Variants in ADAMTS19 observed in about 807,000 individuals in gnomAD.
ADAMTS19 encodes ADAM metallopeptidase with thrombospondin type 1 motif 19, also known as A disintegrin and metalloproteinase with thrombospondin motifs 19.
Under a neutral mutation model 153.3 loss-of-function variants are expected in ADAMTS19, and 93 were observed. The ratio of observed to expected loss-of-function variants is 0.61; its 90% CI spans 0.51 to 0.72. The LOEUF is 0.72. ADAMTS19 is among the 30% of genes least tolerant of loss of function. The pLI is 0.00. For synonymous variants in ADAMTS19, 600 were observed against 556.6 expected (o/e 1.08, Z -1.10); for missense variants, 1,482 against 1,552.1 (o/e 0.95, Z 0.76).
chr5:129,716,202 GTATT>G (rs1258221128), intron 21 of ADAMTS19, among the ~76,000 whole-genome samples: 1 of 151,760 alleles, frequency 6.6e-6, no homozygotes, highest in Non-Finnish European at 1.5e-5. Flanking sequence ...TTTTGTATTT[GTATT>G]TATTTTTTTG....
intron 6 of ADAMTS19, among the ~76,000 whole-genome samples, chr5:129,538,986 A>G (rs1166486359): frequency 6.6e-6 from 1 of 152,106 alleles, no homozygotes; most frequent in African/African-American, 2.4e-5. Context: ...AATCAATGTT[A>G]AGAGTTGGTG....
intron 20 of ADAMTS19, among the ~76,000 whole-genome samples, chr5:129,702,941 A>AAAAAAAAAATATATATAT: frequency 6.8e-5 from 2 of 29,308 alleles, no homozygotes; most frequent in Non-Finnish European, 8.6e-5. Context: ...AAAAAAAAAA[A>AAAAAAAAAATATATATAT]ATATATATAT....
chr5:129,556,273 C>A (rs930011802), intron 7 of ADAMTS19, among the ~76,000 whole-genome samples: 1 of 152,052 alleles, frequency 6.6e-6, no homozygotes, highest in East Asian at 1.9e-4. Flanking sequence ...TTTTAAATCC[C>A]TGAAATTAGG....
At chr5:129,482,271 TA>T (rs1750439759) in intron 2 of ADAMTS19, among the ~76,000 whole-genome samples, 1 of 152,162 alleles carries the variant, frequency 6.6e-6, no homozygotes, top group Non-Finnish European at 1.5e-5. Flanking sequence ...CTATCACGCA[TA>T]ATTATTCACC....
intron 8 of ADAMTS19, among the ~76,000 whole-genome samples, chr5:129,619,741 A>G (rs769024012): frequency 6.6e-6 from 1 of 152,070 alleles, no homozygotes; most frequent in Non-Finnish European, 1.5e-5. Flanking sequence ...ATACGATACA[A>G]TAATTTTAAT....
At chr5:129,734,155 A>G (rs6866701) in intron 21 of ADAMTS19, among the ~76,000 whole-genome samples, 142,922 of 151,654 alleles carry the variant, frequency 0.94, 67,457 homozygotes, top group East Asian at 1. Context: ...GACATAGAGA[A>G]AGAGAGAAAA....
intron 6 of ADAMTS19, among the ~76,000 whole-genome samples, chr5:129,536,778 G>A (rs111791431): frequency 0.11 from 17,306 of 152,056 alleles, 1,099 homozygotes; most frequent in Middle Eastern, 0.16. Context: ...GGATGAAATT[G>A]GAAATCATCA....
At chr5:129,531,685 A>G (rs889931424) in intron 6 of ADAMTS19, among the ~76,000 whole-genome samples, 1 of 152,022 alleles carries the variant, frequency 6.6e-6, no homozygotes, top group Non-Finnish European at 1.5e-5. Context: ...ACAGGAATGA[A>G]AATGTTTATA....
intron 16 of ADAMTS19, among the ~76,000 whole-genome samples, chr5:129,665,979 G>GTATATA (rs201666318): frequency 1.0e-4 from 15 of 144,266 alleles, no homozygotes; most frequent in Admixed American, 6.8e-4. Flanking sequence ...ATGAATTTAT[G>GTATATA]TATATATATA....
Position 129,660,214 on chromosome 5 carries a change from T to C in ADAMTS19, c.2425+1477T>C, listed in dbSNP as rs80084313. 4.7e-3 allele frequency among the ~76,000 whole-genome samples: 709 copies of C among 152,222 alleles called. 5 individuals are homozygous for C. The highest frequency in any genetic ancestry group is 0.02 in the East Asian group (104 of 5,178). ...TATGGTAAATTGCAGATCAAACTCT[T>C]AGTCTTCAAAGTGGTAAAAAAGGTG... On this transcript the variant is annotated intron_variant, in intron 15 of 22. Coordinates refer to ENST00000274487, the MANE Select transcript of ADAMTS19 (RefSeq NM_133638.6).
intron 19 of ADAMTS19, among the ~76,000 whole-genome samples, chr5:129,696,092 G>C (rs936778380): frequency 6.6e-6 from 1 of 152,096 alleles, no homozygotes; most frequent in Admixed American, 6.6e-5. Flanking sequence ...GCAGACGAAT[G>C]GTTAGTCCTG....
intron 3 of ADAMTS19, among the ~76,000 whole-genome samples, chr5:129,510,556 G>C (rs1458817444): frequency 6.6e-6 from 1 of 151,344 alleles, no homozygotes; most frequent in Non-Finnish European, 1.5e-5. Flanking sequence ...GTAGCATTAC[G>C]AACAAGCAAA....
chr5:129,460,490 C>T lies in ADAMTS19; in HGVS notation c.91+8C>T. ...CGAATGGGATCGTTTCAGGTAAGTT[C>T]TTCCGTGACTTTCTCGCTTCCTTTC... is the stretch of plus-strand genomic sequence containing the variant. On this transcript the variant is annotated splice_region_variant and intron_variant, in intron 1 of 22. Coordinates refer to ENST00000274487, the MANE Select transcript of ADAMTS19 (RefSeq NM_133638.6). 2 of 1,614,082 alleles carry T rather than the reference C, an allele frequency of 1.2e-6. No homozygotes were observed. Among genetic ancestry groups the T allele is most frequent in the South Asian group, 2.2e-5 (2 of 91,082 alleles).
At chr5:129,476,700 G>A (rs569142661) in intron 2 of ADAMTS19, among the ~76,000 whole-genome samples, 6 of 152,240 alleles carry the variant, frequency 3.9e-5, no homozygotes, top group African/African-American at 1.4e-4. Flanking sequence ...TTATGATTGA[G>A]TAAATGTTAG....
chr5:129,673,003 A>T (rs246440), intron 16 of ADAMTS19, among the ~76,000 whole-genome samples: 142,865 of 152,098 alleles, frequency 0.94, 67,224 homozygotes, highest in East Asian at 1. Context: ...TTATAATATT[A>T]CCTTATTATA....
chr5:129,658,495 A>T, intron 14 of ADAMTS19, 122 bp from the exon 15 acceptor site: 8 of 944,940 alleles, frequency 8.5e-6, no homozygotes, highest in Non-Finnish European at 1.1e-5. Flanking sequence ...TTATAATATG[A>T]CATTTCATAA....
At chr5:129,673,939 T>C (rs1388209860) in intron 16 of ADAMTS19, among the ~76,000 whole-genome samples, 1 of 152,178 alleles carries the variant, frequency 6.6e-6, no homozygotes, top group African/African-American at 2.4e-5. Flanking sequence ...CCATTAATAA[T>C]ATGGCCATTG....
rs552962198 is a variant in ADAMTS19, at chr5:129,514,163, C to A, written c.913+4921C>A. ...GAATAATATTTCATTTGTATAAGTA[C>A]CACATTTTCTTTATCAGTTCATCTG... On this transcript the variant is annotated intron_variant, in intron 3 of 22. Transcript: ENST00000274487. Among the ~76,000 whole-genome samples, 11 of 151,620 alleles carry A rather than the reference C, an allele frequency of 7.3e-5. No individual in the cohort carries two copies. In the South Asian group the frequency reaches 2.1e-3, roughly 29 times the overall value.
chr5:129,466,227 C>T (rs78040324), intron 2 of ADAMTS19, among the ~76,000 whole-genome samples: 3,619 of 152,176 alleles, frequency 0.024, 145 homozygotes, highest in African/African-American at 0.081. Context: ...CCATCTGTCT[C>T]TAACTCAAGG....
Sources: gnomAD v4.1 joint callset for allele counts (sites outside exome capture counted in the v4.1 genomes callset) on GRCh38, gnomAD v4.1.1 for gene constraint, MANE v1.5 for transcripts, NCBI Gene and HGNC (gene_info 2026-07-23, HGNC 2026-07-21) for gene names.